The following VAX2 variants were observed in gnomAD, a reference collection of about 807,000 sequenced individuals.
VAX2 encodes ventral anterior homeobox 2.
VAX2 carries 8 observed loss-of-function variants against 12.5 expected under a neutral mutation model. The observed-to-expected ratio is 0.64, with a 90% CI of 0.37 to 1.15. The LOEUF is 1.15. Among genes scored for constraint, VAX2 ranks in the 50% most tolerant of loss-of-function variants. The probability of loss-of-function intolerance (pLI) is 0.01; values close to 1 mark genes in which losing one functional copy is unlikely to be tolerated. For synonymous variants in VAX2, 183 were observed against 187.6 expected, an observed-to-expected ratio of 0.98 and a Z score of 0.20; for missense variants, 476 against 412.9, an observed-to-expected ratio of 1.15 and a Z score of -1.32.
intron 1 of VAX2, among the ~76,000 whole-genome samples, chr2:70,912,058 C>G (rs192875407): frequency 6.6e-6 from 1 of 152,308 alleles, no homozygotes; most frequent in Admixed American, 6.5e-5. Context: ...AGCTATGTCT[C>G]TAATAACCCT....
intron 1 of VAX2, among the ~76,000 whole-genome samples, chr2:70,916,262 C>T (rs1475915561): frequency 6.6e-6 from 1 of 152,194 alleles, no homozygotes; most frequent in Non-Finnish European, 1.5e-5. Context: ...CCCATGTATC[C>T]ATCACCTAGC....
intron 2 of VAX2, among the ~76,000 whole-genome samples, chr2:70,932,330 G>A (rs1426793626): frequency 1.3e-5 from 2 of 152,092 alleles, no homozygotes; most frequent in African/African-American, 2.4e-5. Flanking sequence ...ACATGGCCTG[G>A]ATCTCAGTTC....
intron 2 of VAX2, among the ~76,000 whole-genome samples, chr2:70,923,728 G>A (rs1558660796): frequency 6.6e-6 from 1 of 152,196 alleles, no homozygotes; most frequent in African/African-American, 2.4e-5. Context: ...GACACAAAGG[G>A]CAAGGTAAGG....
chr2:70,913,962 C>G (rs912084013), intron 1 of VAX2, among the ~76,000 whole-genome samples: 1 of 152,138 alleles, frequency 6.6e-6, no homozygotes, highest in African/African-American at 2.4e-5. Context: ...TAGCTTATTG[C>G]CTCATTCTTT....
At chr2:70,923,869 A>G (rs1411011373) in intron 2 of VAX2, among the ~76,000 whole-genome samples, 2 of 152,194 alleles carry the variant, frequency 1.3e-5, no homozygotes, top group African/African-American at 4.8e-5. Flanking sequence ...ACAGTGGCTC[A>G]CGCCTGCAAT....
At chr2:70,910,048 T>C (rs570174548) in intron 1 of VAX2, among the ~76,000 whole-genome samples, 3 of 152,264 alleles carry the variant, frequency 2.0e-5, no homozygotes, top group Admixed American at 6.5e-5. Context: ...TTTTATTATA[T>C]TAAGGAATAA....
chr2:70,933,365 C>A lies in VAX2; in HGVS notation c.*161C>A. On this transcript the variant is annotated 3_prime_UTR_variant, in exon 3 of 3. Coordinates refer to ENST00000234392, the MANE Select transcript of VAX2 (RefSeq NM_012476.3). Reference sequence around the variant, plus strand: ...AGACTCGTGACCAAATGGCCTTGGTCCCGCAGCTTGTGTGCGTGAGTGCAG... The same window carrying A: ...AGACTCGTGACCAAATGGCCTTGGTACCGCAGCTTGTGTGCGTGAGTGCAG... 1.6e-6 allele frequency: 1 copy of A among 611,472 alleles called. No individual in the cohort carries two copies. The highest frequency in any genetic ancestry group is 2.5e-6 in the Non-Finnish European group (1 of 395,386). The allele number at this position is 611,472 out of a possible 1,614,324, so 37.9% of individuals were successfully genotyped here.
intron 2 of VAX2, among the ~76,000 whole-genome samples, chr2:70,931,022 T>A (rs1434419423): frequency 6.6e-6 from 1 of 152,132 alleles, no homozygotes; most frequent in Admixed American, 6.5e-5. Flanking sequence ...GAGTGGGGCA[T>A]GAATGCCAGT....
chr2:70,911,518 C>T (rs1471449533), intron 1 of VAX2, among the ~76,000 whole-genome samples: 1 of 152,154 alleles, frequency 6.6e-6, no homozygotes, highest in Admixed American at 6.5e-5. Context: ...CATTATTCCT[C>T]TTCAAAAACC....
At chr2:70,926,733 T>C (rs1679581416) in intron 2 of VAX2, among the ~76,000 whole-genome samples, 1 of 152,100 alleles carries the variant, frequency 6.6e-6, no homozygotes, top group African/African-American at 2.4e-5. Flanking sequence ...AGTGAGCAAA[T>C]CTGACCAGAT....
chr2:70,913,676 AAAAT>A (rs70956996), intron 1 of VAX2, among the ~76,000 whole-genome samples: 25,016 of 147,938 alleles, frequency 0.17, 2,463 homozygotes, highest in Admixed American at 0.25. Flanking sequence ...ACTCCGACTC[AAAAT>A]AAATAAATAA....
At chr2:70,903,863 G>A (rs1199468929) in intron 1 of VAX2, among the ~76,000 whole-genome samples, 3 of 152,140 alleles carry the variant, frequency 2.0e-5, no homozygotes, top group Non-Finnish European at 4.4e-5. Context: ...GCCACTAATG[G>A]TAAAGGAAAA....
intron 1 of VAX2, among the ~76,000 whole-genome samples, chr2:70,917,652 T>C (rs1040274620): frequency 6.6e-6 from 1 of 152,188 alleles, no homozygotes; most frequent in South Asian, 2.1e-4. Flanking sequence ...CATGTTTTAA[T>C]ATTTGGTGGC....
chr2:70,923,443 G>A (rs1046539633), intron 2 of VAX2, among the ~76,000 whole-genome samples: 2 of 152,144 alleles, frequency 1.3e-5, no homozygotes, highest in Non-Finnish European at 2.9e-5. Context: ...CAGCATCACT[G>A]AGTATATTCA....
rs1015796055 is a variant in VAX2 at position 70,908,913 on chromosome 2, C to T, written c.247+8045C>T. On this transcript the variant is annotated intron_variant, in intron 1 of 2. Transcript: ENST00000234392. ...TCCACCCCTTTGCCCTGTCCCCACA[C>T]TGGACATTTTGTATCATTTCATCTT... Among the ~76,000 whole-genome samples, 4 of 152,228 alleles carry T rather than the reference C, an allele frequency of 2.6e-5. No individual in the cohort carries two copies. In the South Asian group the frequency reaches 8.3e-4, roughly 31 times the overall value.
chr2:70,919,249 AT>A (rs1553412470), intron 1 of VAX2, among the ~76,000 whole-genome samples: 1 of 150,404 alleles, frequency 6.6e-6, no homozygotes, highest in Non-Finnish European at 1.5e-5. Flanking sequence ...AAAAAAAAGA[AT>A]AAAAAAAAAA....
rs1679753126 is a variant in VAX2, at chr2:70,933,438, G to A, written c.*234G>A. ...TGAAATAAAAGGAAAACAATGACAA[G>A]AAGGGAAATGGTGCCCACAGCACAA... On this transcript the variant is annotated 3_prime_UTR_variant, in exon 3 of 3. Coordinates refer to ENST00000234392, the MANE Select transcript of VAX2 (RefSeq NM_012476.3). 1 of 394,172 alleles carries A rather than the reference G, an allele frequency of 2.5e-6. No individual in the cohort carries two copies. The highest frequency in any genetic ancestry group is 4.4e-6 in the Non-Finnish European group (1 of 225,110). 24.4% of individuals were successfully genotyped at this position (394,172 alleles called of 1,614,324 possible). A position where few individuals can be genotyped will look rare whatever the true frequency, so the allele number is the denominator to read the frequency against.
At chr2:70,923,017 TAGTG>T (rs1209603581) in intron 2 of VAX2, among the ~76,000 whole-genome samples, 1 of 98,776 alleles carries the variant, frequency 1.0e-5, no homozygotes, top group Non-Finnish European at 2.3e-5. Context: ...GAGAGACAGA[TAGTG>T]TGTGTGTGTG....
rs1374395084 is a variant in VAX2, at chr2:70,904,350, C to A, written c.247+3482C>A. Among the ~76,000 whole-genome samples the A allele has an allele frequency of 6.6e-6, 1 of 152,210 alleles. No individual in the cohort carries two copies. The highest frequency in any genetic ancestry group is 1.5e-5 in the Non-Finnish European group (1 of 68,044). On this transcript the variant is annotated intron_variant, in intron 1 of 2. Transcript: ENST00000234392. The surrounding 1 kb of genome is among the most constrained non-coding windows in gnomAD (Gnocchi z 4.2). ...TCGGTGGAGCTGGGATACCAGCAGG[C>A]AGAAGAGGTGGACAACTCTGACCGC...
Sources: allele counts gnomAD v4.1 joint callset (sites outside exome capture counted in the v4.1 genomes callset), GRCh38; gene constraint gnomAD v4.1.1; non-coding constraint Gnocchi (gnomAD v3.1); transcripts MANE v1.5; gene names NCBI Gene and HGNC (gene_info 2026-07-23, HGNC 2026-07-21).